The following MTR variants were observed in gnomAD, a reference collection of about 807,000 sequenced individuals.
MTR encodes the protein 5-methyltetrahydrofolate-homocysteine methyltransferase.
MTR carries 84 observed loss-of-function variants against 154.8 expected under a neutral mutation model. That is an observed-to-expected ratio of 0.54 (90% CI 0.45 to 0.65). The LOEUF (loss-of-function observed/expected upper bound fraction) is 0.65, where lower values mean the gene tolerates loss of function less well. Ranked by LOEUF, MTR falls within the 30% of genes least tolerant of loss-of-function variation. MTR has a pLI of 0.00. For missense variants in MTR, 1,275 were observed against 1,570.2 expected, an observed-to-expected ratio of 0.81 and a Z score of 3.18; for synonymous variants, 554 against 553.9, an observed-to-expected ratio of 1.00 and a Z score of 0.00.
chr1:236,852,841 G>A (rs1184774071), intron 17 of MTR, 107 bp from the exon 18 acceptor site: 4 of 1,352,038 alleles, frequency 3.0e-6, no homozygotes, highest in Admixed American at 3.5e-5. Flanking sequence ...CTGTGACAGA[G>A]GCTATGGCCT....
At chr1:236,890,860 C>T (rs933357781) in intron 28 of MTR, among the ~76,000 whole-genome samples, 9 of 152,190 alleles carry the variant, frequency 5.9e-5, no homozygotes, top group Admixed American at 6.5e-5. Context: ...TGGGGAGCCA[C>T]AGCTTTGGCT....
intron 13 of MTR, among the ~76,000 whole-genome samples, chr1:236,834,397 C>T (rs1257508407): frequency 1.3e-5 from 2 of 152,168 alleles, no homozygotes; most frequent in Non-Finnish European, 2.9e-5. Context: ...CCAGGCTGGT[C>T]TTGAACTCTT....
chr1:236,820,117 A>G, intron 8 of MTR: 3 of 767,256 alleles, frequency 3.9e-6, no homozygotes, highest in East Asian at 2.4e-5. Flanking sequence ...GGACATTGCC[A>G]TTGCATGCAA....
At chr1:236,867,123 G>C (rs2385568) in intron 22 of MTR, among the ~76,000 whole-genome samples, 109,933 of 152,082 alleles carry the variant, frequency 0.72, 41,010 homozygotes, top group African/African-American at 0.91. Flanking sequence ...TAGGTGCCAT[G>C]CAGGACTTTC....
At chr1:236,874,186 G>A (rs910661227) in intron 23 of MTR, among the ~76,000 whole-genome samples, 8 of 152,088 alleles carry the variant, frequency 5.3e-5, no homozygotes, top group Non-Finnish European at 1.2e-4. Context: ...CTAAAACTAT[G>A]GCAAGTAATT....
chr1:236,900,355 G>A lies in MTR; in HGVS notation c.*2711G>A. The A allele has an allele frequency of 5.8e-6, 1 of 173,448 alleles. No homozygotes were observed. Among genetic ancestry groups the A allele is most frequent in the Admixed American group, 6.1e-5 (1 of 16,510 alleles). The allele number at this position is 173,448 out of a possible 1,614,324, so 10.7% of individuals were successfully genotyped here. On this transcript the variant is annotated 3_prime_UTR_variant, in exon 33 of 33. Coordinates refer to ENST00000366577, the MANE Select transcript of MTR (RefSeq NM_000254.3). ...CTATTTTTATTGAGCCCAAAAACAA[G>A]CAAAACCAAAGAATATGTAGTCTAA...
chr1:236,883,489 G>A (rs1224153157), intron 25 of MTR, among the ~76,000 whole-genome samples: 1 of 152,190 alleles, frequency 6.6e-6, no homozygotes, highest in Non-Finnish European at 1.5e-5. Flanking sequence ...AGGACATCTG[G>A]TTTTGCTTTC....
chr1:236,809,358 A>G (rs1661171883), intron 4 of MTR, among the ~76,000 whole-genome samples: 1 of 152,240 alleles, frequency 6.6e-6, no homozygotes, highest in African/African-American at 2.4e-5. Context: ...GGATGCCATC[A>G]GAACACTTGG....
At chr1:236,888,731 A>G (rs1340919310) in intron 27 of MTR, among the ~76,000 whole-genome samples, 1 of 152,182 alleles carries the variant, frequency 6.6e-6, no homozygotes, top group Non-Finnish European at 1.5e-5. Flanking sequence ...TCATTTGCCT[A>G]TACTTTGAGC....
chr1:236,803,160 C>T lies in MTR; in HGVS notation c.35-268C>T, dbSNP rs747457956. Among the ~76,000 whole-genome samples the T allele has an allele frequency of 4.9e-4, 75 of 152,180 alleles. 1 individual carries two copies. The highest frequency in any genetic ancestry group is 2.2e-4 in the Non-Finnish European group (15 of 68,034). The stretch of plus-strand genomic sequence containing the variant: ...CTGGCCCATTATTGCCTGTTTTCCT[C>T]ATCTGTAAAACAGGAGTAGTGTAGC... On this transcript the variant is annotated intron_variant, in intron 1 of 32. Transcript: ENST00000366577.
intron 4 of MTR, 88 bp downstream of exon 4, chr1:236,808,861 A>G: frequency 8.0e-7 from 1 of 1,256,768 alleles, no homozygotes; most frequent in Non-Finnish European, 1.2e-6. Flanking sequence ...GTTTTTCCTT[A>G]TGTGGCCTTT....
chr1:236,830,855 C>T (rs955212707), intron 12 of MTR, among the ~76,000 whole-genome samples: 3 of 152,186 alleles, frequency 2.0e-5, no homozygotes, highest in Non-Finnish European at 4.4e-5. Context: ...ACCAAGGGGC[C>T]TGGAATGCTT....
At chr1:236,897,522 A>C (rs773540647) in intron 32 of MTR, 36 bp from the exon 33 acceptor site, 1 of 1,577,712 alleles carries the variant, frequency 6.3e-7, no homozygotes, top group Non-Finnish European at 8.7e-7. Context: ...AAGTCTTATC[A>C]TGTTGGTTTA....
At chr1:236,888,920 G>A (rs1666167115) in intron 27 of MTR, among the ~76,000 whole-genome samples, 1 of 152,218 alleles carries the variant, frequency 6.6e-6, no homozygotes, top group Non-Finnish European at 1.5e-5. Flanking sequence ...TGGGCAGGGG[G>A]TGGGGATGGA....
chr1:236,880,442 G>T (rs1246225092), intron 24 of MTR, among the ~76,000 whole-genome samples: 1 of 152,162 alleles, frequency 6.6e-6, no homozygotes, highest in Non-Finnish European at 1.5e-5. Context: ...CCTGGGCCTG[G>T]TTACCTCCCT....
At chr1:236,847,170 A>G (rs1663628180) in intron 15 of MTR, among the ~76,000 whole-genome samples, 1 of 152,112 alleles carries the variant, frequency 6.6e-6, no homozygotes, top group Non-Finnish European at 1.5e-5. Flanking sequence ...TACAGATGTG[A>G]GCCATTGTAC....
At position 236,799,349 on chromosome 1, in the gene MTR, C is replaced by T. The variant is rs575912943; in HGVS notation, c.34+3612C>T. Among the ~76,000 whole-genome samples the T allele has an allele frequency of 3.3e-5, 5 of 151,314 alleles. No homozygotes were observed. The South Asian group carries it at 6.3e-4, about 19-fold the overall frequency. ...GTGTTGCCCAGGCTGTTTTCGAACT[C>T]GTGGACTCAGTGATCCACCTACTTT... is the stretch of plus-strand genomic sequence containing the variant. On this transcript the variant is annotated intron_variant, in intron 1 of 32. Transcript: ENST00000366577.
In MTR at chr1:236,852,643, G is replaced by A. The variant is rs376898262; in HGVS notation, c.1812+6G>A. 9.3e-6 allele frequency: 15 copies of A among 1,610,448 alleles called. No homozygotes were observed. The highest frequency in any genetic ancestry group is 1.2e-5 in the Non-Finnish European group (14 of 1,176,800). Reference sequence around the variant, plus strand: ...TCCTTTACCATGCAATCAAGGTATGGTAGAAGAACTCTTAGCCCTGCGGAA... The same window carrying A: ...TCCTTTACCATGCAATCAAGGTATGATAGAAGAACTCTTAGCCCTGCGGAA... On this transcript the variant is annotated splice_donor_region_variant and intron_variant, in intron 17 of 32. Coordinates refer to ENST00000366577, the MANE Select transcript of MTR (RefSeq NM_000254.3).
intron 8 of MTR, among the ~76,000 whole-genome samples, chr1:236,821,184 C>T (rs1032693969): frequency 2.6e-5 from 4 of 152,206 alleles, no homozygotes; most frequent in Admixed American, 6.5e-5. Flanking sequence ...TGTGCTGCTT[C>T]GTAGCATGGC....
Sources: gnomAD v4.1 joint callset for allele counts (sites outside exome capture counted in the v4.1 genomes callset) on GRCh38, gnomAD v4.1.1 for gene constraint, MANE v1.5 for transcripts, NCBI Gene and HGNC (gene_info 2026-07-23, HGNC 2026-07-21) for gene names.